The following IQGAP2 variants were observed in gnomAD, a reference collection of about 807,000 sequenced individuals.
IQGAP2 encodes IQ motif containing GTPase activating protein 2.
In IQGAP2, 173 loss-of-function variants were observed where a neutral mutation model predicts 201.3. The ratio of observed to expected loss-of-function variants is 0.86; its 90% confidence interval spans 0.76 to 0.98. IQGAP2 has a LOEUF of 0.98. Ranked by LOEUF, IQGAP2 falls within the 50% of genes least tolerant of loss-of-function variation. The probability of loss-of-function intolerance (pLI) is 0.00; values close to 1 mark genes in which losing one functional copy is unlikely to be tolerated. For synonymous variants in IQGAP2, 675 were observed against 673.9 expected (o/e 1.00, Z -0.03); for missense variants, 1,687 against 1,864.8 (o/e 0.90, Z 1.76).
chr5:76,460,860 C>CATTTTTT (rs1374109925), intron 1 of IQGAP2, among the ~76,000 whole-genome samples: 1 of 113,540 alleles, frequency 8.8e-6, no homozygotes. Context: ...TTGCACACTG[C>CATTTTTT]TTTTTTTTTT....
chr5:76,631,888 T>C lies in IQGAP2; in HGVS notation c.1642T>C (p.Cys548Arg), dbSNP rs748761796. 1.9e-6 allele frequency: 3 copies of C among 1,607,568 alleles called. No homozygotes were observed. The highest frequency in any genetic ancestry group is 1.3e-5 in the African/African-American group (1 of 74,686). Residue 548 changes from cysteine to arginine, a missense_variant, in exon 15 of 36, where the codon TGT (cysteine) becomes CGT (arginine). By Grantham distance (180) the Cys-to-Arg change is radical. Transcript: ENST00000274364. ...TACTCTGGTGGTTGATGTTAATCAG[T>C]GTTTGGAAGGAAAAAAATCAAGTGA... ...WVTLVVDVNQCLEGKKSSDIL... is the reference protein window; with the variant it reads ...WVTLVVDVNQRLEGKKSSDIL...
At chr5:76,404,783 T>G (rs566150960) in intron 1 of IQGAP2, among the ~76,000 whole-genome samples, 1 of 152,238 alleles carries the variant, frequency 6.6e-6, no homozygotes, top group Non-Finnish European at 1.5e-5. Context: ...AGCAGTTGAC[T>G]GAGACCCAGC....
intron 11 of IQGAP2, among the ~76,000 whole-genome samples, chr5:76,605,523 G>A (rs1195231729): frequency 1.3e-5 from 2 of 152,134 alleles, no homozygotes; most frequent in African/African-American, 4.8e-5. Context: ...TTGGCTAGGA[G>A]CCTTTGGAGA....
At chr5:76,485,348 T>C (rs1436276808) in intron 2 of IQGAP2, among the ~76,000 whole-genome samples, 1 of 152,250 alleles carries the variant, frequency 6.6e-6, no homozygotes, top group African/African-American at 2.4e-5. Context: ...ATATTATCTA[T>C]AAATAGCTTC....
rs1407903637 is a variant in IQGAP2 at position 76,701,159 on chromosome 5, C to G, written c.4451C>G (p.Ala1484Gly). The G allele has an allele frequency of 6.2e-7, 1 of 1,614,154 alleles. No individual in the cohort carries two copies. Among genetic ancestry groups the G allele is most frequent in the Non-Finnish European group, 8.5e-7 (1 of 1,179,946 alleles). The change falls in exon 34 of 36, where the codon GCA becomes GGA. Residue 1484 changes from alanine to glycine, a missense_variant. Ala to Gly is a moderately conservative substitution (Grantham distance 60, BLOSUM62 0). Coordinates refer to ENST00000274364, the MANE Select transcript of IQGAP2 (RefSeq NM_006633.5). ...GCGAAGCCAGTGAAGTACACTGCAGCAAAGCTGCATGAGAAAGGTGTCCTG... is the reference window on the plus strand; with the variant it reads ...GCGAAGCCAGTGAAGTACACTGCAGGAAAGCTGCATGAGAAAGGTGTCCTG... The part of the protein sequence containing the change: ...KRAKPVKYTA[A>G]KLHEKGVLLD...
rs777343055 is a variant in IQGAP2, at chr5:76,637,017, C to CA, written c.1781-14dup. Reference sequence around the variant, plus strand: ...TTCACTGTGTCTGTGTAGAATTTAACAAACTTTTTTCTTTAGTGTCTAGTG... The same window carrying CA: ...TTCACTGTGTCTGTGTAGAATTTAACAAAACTTTTTTCTTTAGTGTCTAGTG... On this transcript the variant is annotated splice_polypyrimidine_tract_variant and intron_variant, in intron 15 of 35. Coordinates refer to ENST00000274364, the MANE Select transcript of IQGAP2 (RefSeq NM_006633.5). The CA allele has an allele frequency of 5.1e-6, 8 of 1,581,504 alleles. No homozygotes were observed. Among genetic ancestry groups the CA allele is most frequent in the Admixed American group, 1.9e-5 (1 of 53,914 alleles).
At chr5:76,438,550 C>T (rs532143040) in intron 1 of IQGAP2, among the ~76,000 whole-genome samples, 1 of 152,212 alleles carries the variant, frequency 6.6e-6, no homozygotes, top group East Asian at 1.9e-4. Context: ...TCAAGCAATT[C>T]TCCTGCTTCA....
At chr5:76,625,504 C>T (rs906685920) in intron 13 of IQGAP2, among the ~76,000 whole-genome samples, 3 of 152,144 alleles carry the variant, frequency 2.0e-5, no homozygotes, top group Non-Finnish European at 2.9e-5. Flanking sequence ...TGAGCCTCCC[C>T]CATCCATTCT....
intron 2 of IQGAP2, among the ~76,000 whole-genome samples, chr5:76,513,156 G>A (rs1467424532): frequency 2.6e-5 from 4 of 152,182 alleles, no homozygotes; most frequent in Non-Finnish European, 5.9e-5. Flanking sequence ...GGCTTACAGA[G>A]ATCATGAAAC....
intron 1 of IQGAP2, among the ~76,000 whole-genome samples, chr5:76,404,821 C>T (rs1193972976): frequency 6.6e-6 from 1 of 151,252 alleles, no homozygotes; most frequent in Non-Finnish European, 1.5e-5. Context: ...ACCACACAGA[C>T]AGCAGAGCCT....
At chr5:76,567,803 A>C (rs1470680137) in intron 3 of IQGAP2, among the ~76,000 whole-genome samples, 1 of 152,210 alleles carries the variant, frequency 6.6e-6, no homozygotes, top group Non-Finnish European at 1.5e-5. Context: ...GAATGTTAGC[A>C]TCCAATGATG....
chr5:76,446,980 C>T (rs972886402), intron 1 of IQGAP2, among the ~76,000 whole-genome samples: 1 of 152,232 alleles, frequency 6.6e-6, no homozygotes, highest in African/African-American at 2.4e-5. Context: ...GTGCCAGGGG[C>T]ACCAGTGCAT....
chr5:76,647,191 T>G (rs1169595794), intron 17 of IQGAP2, among the ~76,000 whole-genome samples: 3 of 152,180 alleles, frequency 2.0e-5, no homozygotes, highest in Admixed American at 2.0e-4. Context: ...GCCTCCAATA[T>G]TATATATAAA....
intron 31 of IQGAP2, among the ~76,000 whole-genome samples, chr5:76,694,602 G>A (rs73764714): frequency 6.6e-6 from 1 of 152,208 alleles, no homozygotes; most frequent in African/African-American, 2.4e-5. Flanking sequence ...AACATGTTAA[G>A]TGGGTACATC....
At chr5:76,541,007 CT>C (rs577217174) in intron 2 of IQGAP2, among the ~76,000 whole-genome samples, 2 of 152,054 alleles carry the variant, frequency 1.3e-5, no homozygotes, top group African/African-American at 2.4e-5. Flanking sequence ...CACAGCTTTT[CT>C]TTTTTTTATC....
In IQGAP2 at chr5:76,683,212, T is replaced by C; in HGVS notation, c.3758T>C (p.Phe1253Ser). 6.2e-7 allele frequency: 1 copy of C among 1,609,508 alleles called. No individual in the cohort carries two copies. Among genetic ancestry groups the C allele is most frequent in the Non-Finnish European group, 8.5e-7 (1 of 1,177,472 alleles). Reference protein sequence around the residue: ...SLGEVPTVESFLGEGAVDPND... With the variant: ...SLGEVPTVESSLGEGAVDPND... ...GGAGAGGTGCCAACCGTGGAATCTT[T>C]TCTTGGTAAGAGCTTGTTCCTTCTA... The change falls in exon 29 of 36, where the codon TTT (phenylalanine) becomes TCT (serine). Residue 1253 changes from phenylalanine (F) to serine (S), a missense_variant. Coordinates refer to ENST00000274364, the MANE Select transcript of IQGAP2 (RefSeq NM_006633.5).
chr5:76,444,160 A>G (rs1753226857), intron 1 of IQGAP2, among the ~76,000 whole-genome samples: 1 of 152,194 alleles, frequency 6.6e-6, no homozygotes, highest in African/African-American at 2.4e-5. Flanking sequence ...CCAAGGCAGA[A>G]AGATCACTTG....
At chr5:76,502,202 A>G (rs1167872171) in intron 2 of IQGAP2, among the ~76,000 whole-genome samples, 1 of 152,176 alleles carries the variant, frequency 6.6e-6, no homozygotes, top group Admixed American at 6.5e-5. Context: ...TTCTGCAGGT[A>G]TAGTCACTGT....
intron 30 of IQGAP2, among the ~76,000 whole-genome samples, chr5:76,692,827 C>T (rs1580835951): frequency 6.6e-6 from 1 of 152,238 alleles, no homozygotes; most frequent in African/African-American, 2.4e-5. Flanking sequence ...CCACAGCCCA[C>T]ACTGAACGTT....
Sources: allele counts gnomAD v4.1 joint callset (sites outside exome capture counted in the v4.1 genomes callset), GRCh38; gene constraint gnomAD v4.1.1; transcripts MANE v1.5; gene names NCBI Gene and HGNC (gene_info 2026-07-23, HGNC 2026-07-21).